MXD3: variants seen among roughly 807,000 people sequenced by gnomAD.
MXD3 encodes the protein MAX dimerization protein 3.
Under a neutral mutation model 27.5 loss-of-function variants are expected in MXD3, and 20 were observed. That is an observed-to-expected ratio of 0.73 (90% CI 0.51 to 1.06). MXD3 has a LOEUF of 1.06. MXD3 is among the 50% of genes least tolerant of loss of function. The pLI is 0.00. For missense variants in MXD3, 298 were observed against 291.3 expected (o/e 1.02, Z -0.17); for synonymous variants, 150 against 130.7 (o/e 1.15, Z -1.01).
chr5:177,305,768 T>C (rs1453514708), downstream of MXD3: 2 of 944,626 alleles, frequency 2.1e-6, no homozygotes, highest in Non-Finnish European at 3.3e-6. Context: ...GAATGGATTT[T>C]CATTGTATTG....
chr5:177,310,677 TC>T lies in MXD3; in HGVS notation c.196del (p.Glu66ArgfsTer8), dbSNP rs756511678. 1 of 1,614,162 alleles carries T rather than the reference TC, an allele frequency of 6.2e-7. No homozygotes were observed. Among genetic ancestry groups the T allele is most frequent in the South Asian group, 1.1e-5 (1 of 91,082 alleles). On this transcript the variant is annotated frameshift_variant, in exon 3 of 6. Coordinates refer to ENST00000439742, the MANE Select transcript of MXD3 (RefSeq NM_031300.4). LOFTEE classifies it high-confidence loss of function. Reference protein sequence around the residue: ...DSGRSVHNELEKRRRAQLKRC... With the variant: ...DSGRSVHNELXKRRRAQLKRC... ...CAGGACTGGGACTCACCTGCGCTTC[TC>T]CAGTTCATTGTGCACTGACCTGCCA...
Position 177,307,830 on chromosome 5 carries a change from G to C in MXD3, c.456C>G (p.Asp152Glu), listed in dbSNP as rs769445436. Reference protein sequence around the residue: ...GAAERERLRADSLDSSGLSSE... With the variant: ...GAAERERLRAESLDSSGLSSE... ...AGGAGAGGCCTGAGGAGTCCAGACT[G>C]TCCGCCCGCAGCCGCTCCCGCTCGG... Residue 152 changes from aspartate (D) to glutamate (E), a missense_variant, in exon 5 of 6, where the codon GAC (aspartate) becomes GAG (glutamate). Physicochemically the swap from Asp to Glu is conservative, Grantham distance 45. Coordinates refer to ENST00000439742, the MANE Select transcript of MXD3 (RefSeq NM_031300.4). 1.2e-6 allele frequency: 2 copies of C among 1,612,062 alleles called. No homozygotes were observed. The highest frequency in any genetic ancestry group is 1.7e-5 in the Admixed American group (1 of 59,960).
chr5:177,309,970 C>T (rs1760993952), intron 4 of MXD3, among the ~76,000 whole-genome samples: 1 of 152,192 alleles, frequency 6.6e-6, no homozygotes, highest in East Asian at 1.9e-4. Context: ...AGCTGCCTCC[C>T]AGGTGGCACC....
At position 177,307,494 on chromosome 5, in the gene MXD3, A is replaced by T; in HGVS notation, c.*94T>A. On this transcript the variant is annotated 3_prime_UTR_variant, in exon 6 of 6. Coordinates refer to ENST00000439742, the MANE Select transcript of MXD3 (RefSeq NM_031300.4). ...TCCTTTTAGTCCATTCCAACAGGTG[A>T]CTCCGAGCAGCCCTGAAGGCTTGGG... 6.5e-6 allele frequency: 10 copies of T among 1,549,492 alleles called. No individual in the cohort carries two copies. Among genetic ancestry groups the T allele is most frequent in the Non-Finnish European group, 8.7e-6 (10 of 1,150,100 alleles).
downstream of MXD3, chr5:177,306,194 T>G (rs1355337043): frequency 3.1e-6 from 5 of 1,603,496 alleles, no homozygotes; most frequent in Non-Finnish European, 3.4e-6. Flanking sequence ...TCTGGGTATG[T>G]GGATATTCCT....
chr5:177,312,368 G>A (rs1226456904), upstream of MXD3: 3 of 985,740 alleles, frequency 3.0e-6, no homozygotes, highest in South Asian at 4.6e-5. Flanking sequence ...TCGGGGCGGG[G>A]TCGGGGAGCC....
At chr5:177,305,600 C>T, downstream of MXD3, 1 of 463,324 alleles carries the variant, frequency 2.2e-6, no homozygotes, top group Middle Eastern at 5.9e-4. Context: ...AAAACAAAAT[C>T]CAGGAGCAGG....
chr5:177,308,106 G>GT (rs1361101482), intron 4 of MXD3, 142 bp from the exon 5 acceptor site: 1 of 754,584 alleles, frequency 1.3e-6, no homozygotes, highest in African/African-American at 1.8e-5. Context: ...GCCCCAGAGG[G>GT]TTGCACCCAC....
At chr5:177,306,201 T>C, downstream of MXD3, 1 of 1,602,768 alleles carries the variant, frequency 6.2e-7, no homozygotes. Flanking sequence ...ATGTGGATAT[T>C]CCTCATAGGG....
At chr5:177,312,034 G>A, upstream of MXD3, 2 of 1,250,074 alleles carry the variant, frequency 1.6e-6, no homozygotes, top group Non-Finnish European at 1.0e-6. Context: ...TCCGGCAGCC[G>A]CCCCGCCCCG....
chr5:177,305,794 A>T (rs1442752801), downstream of MXD3: 2 of 1,224,782 alleles, frequency 1.6e-6, no homozygotes, highest in Non-Finnish European at 2.4e-6. Context: ...CCTCATGAAA[A>T]GTGACAGGGA....
At chr5:177,305,726 T>A, downstream of MXD3, 1 of 682,760 alleles carries the variant, frequency 1.5e-6, no homozygotes, top group Non-Finnish European at 2.5e-6. Flanking sequence ...TCTTGTTCTG[T>A]CAGTGCCACT....
chr5:177,306,408 G>C, downstream of MXD3: 1 of 1,614,004 alleles, frequency 6.2e-7, no homozygotes. Context: ...GCAGCCACCT[G>C]CCGTTCGCGA....
chr5:177,307,460 A>G lies in MXD3; in HGVS notation c.*128T>C, dbSNP rs1760912537. On this transcript the variant is annotated 3_prime_UTR_variant, in exon 6 of 6. Coordinates refer to ENST00000439742, the MANE Select transcript of MXD3 (RefSeq NM_031300.4). ...GGGTGTTTGGGGAGCACCTGTTCCC[A>G]CACAAGGGTCCTTTTAGTCCATTCC... 1 of 1,532,994 alleles carries G rather than the reference A, an allele frequency of 6.5e-7. No homozygotes were observed. The highest frequency in any genetic ancestry group is 2.0e-5 in the Admixed American group (1 of 50,980). The allele number at this position is 1,532,994 out of a possible 1,614,324, so 95.0% of individuals were successfully genotyped here. A position where few individuals can be genotyped will look rare whatever the true frequency, so the allele number is the denominator to read the frequency against.
At chr5:177,307,016 G>A (rs936367277), downstream of MXD3, 2 of 1,440,648 alleles carry the variant, frequency 1.4e-6, no homozygotes, top group Non-Finnish European at 1.8e-6. Flanking sequence ...TTGGACCTCA[G>A]GCGAGTCACG....
intron 4 of MXD3, among the ~76,000 whole-genome samples, chr5:177,308,313 C>T (rs1760943484): frequency 6.6e-6 from 1 of 152,006 alleles, no homozygotes; most frequent in African/African-American, 2.4e-5. Flanking sequence ...GCTCAGGAGC[C>T]AGGCATGTGC....
At chr5:177,311,605 C>T in intron 1 of MXD3, 121 bp from the exon 2 acceptor site, 2 of 1,145,844 alleles carry the variant, frequency 1.7e-6, no homozygotes, top group Non-Finnish European at 2.4e-6. Context: ...CCACCCGTCC[C>T]TGCTCTACCG....
chr5:177,312,630 T>A, upstream of MXD3: 1 of 985,394 alleles, frequency 1.0e-6, no homozygotes, highest in Non-Finnish European at 1.2e-6. Flanking sequence ...TCCTACTGTG[T>A]CGAATGGGAA....
chr5:177,306,680 G>A (rs187250820), downstream of MXD3: 240 of 1,442,546 alleles, frequency 1.7e-4, 2 homozygotes, highest in African/African-American at 3.0e-3. Context: ...TGCTGTCTAC[G>A]TGGTGGGTTG....
Sources: allele counts gnomAD v4.1 joint callset (sites outside exome capture counted in the v4.1 genomes callset), GRCh38; gene constraint gnomAD v4.1.1; transcripts MANE v1.5; gene names NCBI Gene and HGNC (gene_info 2026-07-23, HGNC 2026-07-21).